The following ARSJ variants were observed in gnomAD, a reference collection of about 807,000 sequenced individuals.
ARSJ encodes arylsulfatase J.
A neutral mutation model predicts 35.9 loss-of-function variants in ARSJ; 26 were observed. The observed-to-expected ratio is 0.72, with a 90% CI of 0.53 to 1.00. The LOEUF is 1.00. ARSJ is among the 50% of genes least tolerant of loss of function. The pLI, the probability that ARSJ is intolerant of heterozygous loss-of-function variation, is 0.00. For synonymous variants in ARSJ, 294 were observed against 267.6 expected, an observed-to-expected ratio of 1.10 and a Z score of -0.96; for missense variants, 667 against 723.6, an observed-to-expected ratio of 0.92 and a Z score of 0.90.
chr4:113,904,445 G>GA (rs1594376149), intron 1 of ARSJ, among the ~76,000 whole-genome samples: 1 of 152,078 alleles, frequency 6.6e-6, no homozygotes, highest in East Asian at 1.9e-4. Context: ...AAAATACAAG[G>GA]AAAAATTAGA....
chr4:113,978,692 T>C lies in ARSJ; in HGVS notation c.143A>G (p.Gln48Arg), dbSNP rs1236269919. The change falls in exon 1 of 2, where the codon CAG becomes CGG. Residue 48 changes from glutamine to arginine, a missense_variant. Coordinates refer to ENST00000315366, the MANE Select transcript of ARSJ (RefSeq NM_024590.4). ...CCCTTCTTCCTCCTCTTCTAAGGCCTGGCCCCAGGACAGGTAACCATAAGT... is the reference window on the plus strand; with the variant it reads ...CCCTTCTTCCTCCTCTTCTAAGGCCCGGCCCCAGGACAGGTAACCATAAGT... The part of the protein sequence containing the change: ...LLTYGYLSWG[Q>R]ALEEEEEGAL... The C allele has an allele frequency of 6.2e-7, 1 of 1,614,252 alleles. No individual in the cohort carries two copies. Among genetic ancestry groups the C allele is most frequent in the Non-Finnish European group, 8.5e-7 (1 of 1,180,052 alleles).
intron 1 of ARSJ, among the ~76,000 whole-genome samples, chr4:113,925,564 G>A (rs986248162): frequency 6.6e-6 from 1 of 152,120 alleles, no homozygotes; most frequent in Non-Finnish European, 1.5e-5. Context: ...CAATCCAACT[G>A]TTTCAGGATG....
intron 1 of ARSJ, among the ~76,000 whole-genome samples, chr4:113,922,366 A>T (rs1723737196): frequency 6.6e-6 from 1 of 152,174 alleles, no homozygotes; most frequent in African/African-American, 2.4e-5. Flanking sequence ...TGTAAACAGG[A>T]TTACTAACAA....
chr4:113,956,142 T>C (rs1159629709), intron 1 of ARSJ, among the ~76,000 whole-genome samples: 1 of 152,028 alleles, frequency 6.6e-6, no homozygotes, highest in African/African-American at 2.4e-5. Flanking sequence ...GGTTTTGTCA[T>C]GTTGCCTAGG....
Position 113,902,456 on chromosome 4 carries a change from G to A in ARSJ, c.1618C>T (p.Pro540Ser). 5.0e-6 allele frequency: 8 copies of A among 1,613,996 alleles called. No individual in the cohort carries two copies. The highest frequency in any genetic ancestry group is 6.8e-6 in the Non-Finnish European group (8 of 1,180,000). Reference sequence around the variant, plus strand: ...CCATTGAGCCTAGGGTTACTTCTGGGGTCTTTGGGGGGATACCTGACCGGC... The same window carrying A: ...CCATTGAGCCTAGGGTTACTTCTGGAGTCTTTGGGGGGATACCTGACCGGC... ...AVPVRYPPKDPRSNPRLNGGV... is the reference protein window; with the variant it reads ...AVPVRYPPKDSRSNPRLNGGV... Residue 540 changes from proline to serine, a missense_variant, in exon 2 of 2, where the codon CCC becomes TCC. By Grantham distance (74) the Pro-to-Ser change is moderately conservative. Transcript: ENST00000315366.
chr4:113,905,454 T>C (rs755284527), intron 1 of ARSJ, among the ~76,000 whole-genome samples: 1 of 152,148 alleles, frequency 6.6e-6, no homozygotes, highest in Non-Finnish European at 1.5e-5. Context: ...CACACACTGA[T>C]GTTTCTGTGG....
chr4:113,965,539 C>T (rs961859367), intron 1 of ARSJ, among the ~76,000 whole-genome samples: 2 of 151,814 alleles, frequency 1.3e-5, no homozygotes, highest in Non-Finnish European at 2.9e-5. Flanking sequence ...AGTTACAAGA[C>T]TTGGAGAATA....
chr4:113,963,219 G>T (rs1255075382), intron 1 of ARSJ, among the ~76,000 whole-genome samples: 1 of 151,964 alleles, frequency 6.6e-6, no homozygotes, highest in Non-Finnish European at 1.5e-5. Flanking sequence ...ATGAAAACAG[G>T]GATTTTTATA....
At chr4:113,911,795 G>A (rs1409186210) in intron 1 of ARSJ, among the ~76,000 whole-genome samples, 2 of 152,116 alleles carry the variant, frequency 1.3e-5, no homozygotes, top group African/African-American at 2.4e-5. Context: ...AATATTTGAC[G>A]AATACATTTT....
intron 1 of ARSJ, among the ~76,000 whole-genome samples, chr4:113,953,646 C>T (rs1725995887): frequency 6.6e-6 from 1 of 151,958 alleles, no homozygotes; most frequent in African/African-American, 2.4e-5. Context: ...CCAGATCTAT[C>T]TGGTAAAAAT....
At chr4:113,959,072 T>C (rs1726377748) in intron 1 of ARSJ, among the ~76,000 whole-genome samples, 1 of 152,080 alleles carries the variant, frequency 6.6e-6, no homozygotes, top group South Asian at 2.1e-4. Context: ...AAATAGCAAT[T>C]TAAAAGCACG....
intron 1 of ARSJ, among the ~76,000 whole-genome samples, chr4:113,929,279 G>A (rs1361200635): frequency 2.0e-5 from 3 of 152,092 alleles, no homozygotes; most frequent in African/African-American, 7.2e-5. Context: ...TCTAGTTATA[G>A]GCCTAGAAAC....
intron 1 of ARSJ, among the ~76,000 whole-genome samples, chr4:113,940,668 A>C (rs775815031): frequency 1.3e-5 from 2 of 151,980 alleles, no homozygotes; most frequent in Admixed American, 6.6e-5. Context: ...ATGTGTATAA[A>C]GACAGAGTAT....
intron 1 of ARSJ, among the ~76,000 whole-genome samples, chr4:113,968,599 G>A (rs1562376846): frequency 1.3e-5 from 2 of 152,176 alleles, no homozygotes; most frequent in South Asian, 4.1e-4. Flanking sequence ...AGGAAAATGA[G>A]GATGCGGGCC....
In ARSJ at chr4:113,961,895, CTCTGTGTGTGTG is replaced by C. The variant is rs775570278; in HGVS notation, c.398+16530_398+16541del. 8.5e-3 allele frequency among the ~76,000 whole-genome samples: 1,035 copies of C among 122,066 alleles called. 11 individuals carry two copies. Among genetic ancestry groups the C allele is most frequent in the Middle Eastern group, 0.047 (12 of 256 alleles). 80.1% of individuals were successfully genotyped at this position (122,066 alleles called of 152,430 possible). A position where few individuals can be genotyped will look rare whatever the true frequency, so the allele number is the denominator to read the frequency against. ...TGCCTGTGTTTGTCTCTCTCTCTCT[CTCTGTGTGTGTG>C]TGTGTGTGTGTGTGTGTGTGTGTGT... On this transcript the variant is annotated intron_variant, in intron 1 of 1. Transcript: ENST00000315366.
chr4:113,930,704 T>C (rs1399658066), intron 1 of ARSJ, among the ~76,000 whole-genome samples: 1 of 151,728 alleles, frequency 6.6e-6, no homozygotes, highest in Non-Finnish European at 1.5e-5. Context: ...TAAATCATGC[T>C]GCTATAAAGA....
chr4:113,966,144 T>C (rs1485348113), intron 1 of ARSJ, among the ~76,000 whole-genome samples: 1 of 152,024 alleles, frequency 6.6e-6, no homozygotes, highest in Non-Finnish European at 1.5e-5. Context: ...AATATTAAAA[T>C]ACAGGTATGC....
intron 1 of ARSJ, among the ~76,000 whole-genome samples, chr4:113,966,220 A>G (rs573091200): frequency 2.0e-4 from 31 of 152,234 alleles, no homozygotes; most frequent in African/African-American, 7.5e-4. Context: ...AGTATATATA[A>G]TTCATGAATT....
intron 1 of ARSJ, among the ~76,000 whole-genome samples, chr4:113,925,683 C>A (rs954734281): frequency 6.6e-6 from 1 of 152,122 alleles, no homozygotes; most frequent in African/African-American, 2.4e-5. Flanking sequence ...TGTGGAATAC[C>A]ATGATGGTGG....
Sources: allele counts gnomAD v4.1 joint callset (sites outside exome capture counted in the v4.1 genomes callset), GRCh38; gene constraint gnomAD v4.1.1; transcripts MANE v1.5; gene names NCBI Gene and HGNC (gene_info 2026-07-23, HGNC 2026-07-21).